Variants in TLE4 observed in about 807,000 individuals in gnomAD.
TLE4 encodes the protein TLE family member 4, transcriptional corepressor.
Under a neutral mutation model 92.8 loss-of-function variants are expected in TLE4, and 8 were observed. The ratio of observed to expected loss-of-function variants is 0.09; its 90% confidence interval spans 0.05 to 0.16. The LOEUF is 0.16. Among genes scored for constraint, TLE4 ranks in the 10% least tolerant of loss-of-function variants. TLE4 has a pLI of 1.00. For missense variants in TLE4, 675 were observed against 997.6 expected, an observed-to-expected ratio of 0.68 and a Z score of 4.36; for synonymous variants, 371 against 374.1, an observed-to-expected ratio of 0.99 and a Z score of 0.10.
intron 5 of TLE4, among the ~76,000 whole-genome samples, chr9:79,622,786 G>A (rs541673921): frequency 1.3e-5 from 2 of 152,154 alleles, no homozygotes; most frequent in East Asian, 1.9e-4. Context: ...CCCAGATGCC[G>A]CGGGAAGTGC....
At chr9:79,696,079 T>A (rs2068185612) in intron 8 of TLE4, among the ~76,000 whole-genome samples, 1 of 152,210 alleles carries the variant, frequency 6.6e-6, no homozygotes, top group South Asian at 2.1e-4. Context: ...GCAGCAGCAA[T>A]GTGGCCAGTC....
intron 8 of TLE4, among the ~76,000 whole-genome samples, chr9:79,704,055 A>G (rs2135866878): frequency 6.6e-6 from 1 of 152,216 alleles, no homozygotes; most frequent in Admixed American, 6.5e-5. Flanking sequence ...CAAAACAAAC[A>G]AACAAAAAAA....
chr9:79,572,535 G>A lies in TLE4; in HGVS notation c.-256G>A, dbSNP rs1224082334. ...CGAACGTCGGAGCGTTGCCTTGGGA[G>A]ACGCGCGCCGGACAATGCCCGCGGC... On this transcript the variant is annotated 5_prime_UTR_variant, in exon 1 of 20. Transcript: ENST00000376552. The A allele has an allele frequency of 6.1e-6, 1 of 164,154 alleles. No homozygotes were observed. The highest frequency in any genetic ancestry group is 2.4e-5 in the African/African-American group (1 of 41,572). The allele number at this position is 164,154 out of a possible 1,614,324, so 10.2% of individuals were successfully genotyped here. A position where few individuals can be genotyped will look rare whatever the true frequency, so the allele number is the denominator to read the frequency against.
intron 10 of TLE4, 152 bp downstream of exon 10, chr9:79,706,094 GAGTAC>G (rs977550326): frequency 3.5e-5 from 27 of 779,114 alleles, no homozygotes; most frequent in Non-Finnish European, 5.4e-5. Context: ...GCCCTGGCTA[GAGTAC>G]AGTATTGTGA....
At chr9:79,703,607 G>A (rs1327285854) in intron 8 of TLE4, among the ~76,000 whole-genome samples, 3 of 152,148 alleles carry the variant, frequency 2.0e-5, no homozygotes, top group Admixed American at 2.0e-4. Flanking sequence ...GTGTGTATAG[G>A]AGACTTCTCC....
At chr9:79,626,519 A>T (rs1351672473) in intron 5 of TLE4, among the ~76,000 whole-genome samples, 2 of 152,200 alleles carry the variant, frequency 1.3e-5, no homozygotes, top group Non-Finnish European at 2.9e-5. Context: ...CAAATGTTTT[A>T]ATGGGAAATA....
chr9:79,679,171 G>C (rs2063900863), intron 8 of TLE4, among the ~76,000 whole-genome samples: 1 of 151,992 alleles, frequency 6.6e-6, no homozygotes, highest in African/African-American at 2.4e-5. Flanking sequence ...GGTATTTCTA[G>C]TTCTAGATCC....
chr9:79,649,980 A>G (rs1390353659), intron 6 of TLE4: 1 of 886,980 alleles, frequency 1.1e-6, no homozygotes, highest in African/African-American at 1.8e-5. Flanking sequence ...CAGTAGCACA[A>G]TCATGGCTCA....
At chr9:79,705,431 G>A (rs111810736) in intron 9 of TLE4, among the ~76,000 whole-genome samples, 110 of 152,352 alleles carry the variant, frequency 7.2e-4, no homozygotes, top group African/African-American at 2.5e-3. Context: ...GGAGGCAGGC[G>A]GCCCCTGCTC....
At chr9:79,583,778 T>C (rs2040333572) in intron 4 of TLE4, among the ~76,000 whole-genome samples, 2 of 152,214 alleles carry the variant, frequency 1.3e-5, no homozygotes, top group African/African-American at 4.8e-5. Context: ...GTAGAAATTA[T>C]AAGCACTAGT....
At chr9:79,608,027 A>G (rs1026092321) in intron 4 of TLE4, among the ~76,000 whole-genome samples, 1 of 152,080 alleles carries the variant, frequency 6.6e-6, no homozygotes, top group Non-Finnish European at 1.5e-5. Flanking sequence ...AAACAGAGAC[A>G]ATTTGACTTT....
intron 6 of TLE4, among the ~76,000 whole-genome samples, chr9:79,627,951 C>G (rs2053085132): frequency 6.6e-6 from 1 of 152,206 alleles, no homozygotes; most frequent in African/African-American, 2.4e-5. Context: ...ATGAACTACA[C>G]TTTATTTTTA....
intron 8 of TLE4, among the ~76,000 whole-genome samples, chr9:79,682,711 C>A (rs2064978803): frequency 6.6e-6 from 1 of 152,162 alleles, no homozygotes; most frequent in Non-Finnish European, 1.5e-5. Flanking sequence ...CAATTTAGGA[C>A]CTTTCCCCGG....
chr9:79,622,539 ATGAT>A (rs1055950348), intron 5 of TLE4, among the ~76,000 whole-genome samples: 3 of 152,188 alleles, frequency 2.0e-5, no homozygotes, highest in Non-Finnish European at 4.4e-5. Context: ...TCCCTGATAA[ATGAT>A]TGGGTAGCAT....
At position 79,572,037 on chromosome 9, in the gene TLE4, C is replaced by G. The variant is rs1349875183; in HGVS notation, c.-754C>G. 8 of 151,696 alleles carry G rather than the reference C, an allele frequency of 5.3e-5. No homozygotes were observed. The highest frequency in any genetic ancestry group is 5.3e-4 in the Admixed American group (8 of 15,234). The allele number at this position is 151,696 out of a possible 1,614,324, so 9.4% of individuals were successfully genotyped here. ...TGCTTTCTTCCCCCTTTCTCACACA[C>G]TTGTATATTATTTTGAGGTGGTGTT... On this transcript the variant is annotated 5_prime_UTR_variant, in exon 1 of 20. Coordinates refer to ENST00000376552, the MANE Select transcript of TLE4 (RefSeq NM_007005.6).
chr9:79,576,348 T>C (rs1209049000), intron 4 of TLE4, 171 bp downstream of exon 4: 2 of 401,124 alleles, frequency 5.0e-6, no homozygotes, highest in African/African-American at 2.1e-5. Context: ...CATCTTTCTT[T>C]CATATTATCC....
intron 8 of TLE4, among the ~76,000 whole-genome samples, chr9:79,702,513 G>A (rs2070226048): frequency 1.3e-5 from 2 of 152,242 alleles, no homozygotes; most frequent in African/African-American, 4.8e-5. Flanking sequence ...TGGCTTGGGA[G>A]TGAGGTTTGG....
intron 8 of TLE4, among the ~76,000 whole-genome samples, chr9:79,677,848 G>T (rs2063564969): frequency 6.6e-6 from 1 of 151,944 alleles, no homozygotes; most frequent in South Asian, 2.1e-4. Flanking sequence ...ATCAGAAGTG[G>T]GTGGTGTAAG....
intron 8 of TLE4, among the ~76,000 whole-genome samples, chr9:79,680,874 A>ATT (rs2064395611): frequency 6.6e-6 from 1 of 152,132 alleles, no homozygotes. Flanking sequence ...TTCTGCATCT[A>ATT]TTGAGATAAT....
Sources: allele counts gnomAD v4.1 joint callset (sites outside exome capture counted in the v4.1 genomes callset), GRCh38; gene constraint gnomAD v4.1.1; transcripts MANE v1.5; gene names NCBI Gene and HGNC (gene_info 2026-07-23, HGNC 2026-07-21).